The following HTR2C variants were observed in gnomAD, a reference collection of about 807,000 sequenced individuals.
HTR2C encodes the protein 5-hydroxytryptamine (serotonin) receptor 2C, G protein-coupled.
Under a neutral mutation model 21.0 loss-of-function variants are expected in HTR2C, and 5 were observed. The observed-to-expected ratio is 0.24, with a 90% CI of 0.12 to 0.50. The LOEUF (loss-of-function observed/expected upper bound fraction) is 0.50, where lower values mean the gene tolerates loss of function less well. HTR2C is among the 20% of genes least tolerant of loss of function. The pLI, the probability that HTR2C is intolerant of heterozygous loss-of-function variation, is 0.98. For missense variants in HTR2C, 271 were observed against 371.2 expected, an observed-to-expected ratio of 0.73 and a Z score of 2.22; for synonymous variants, 150 against 145.3, an observed-to-expected ratio of 1.03 and a Z score of -0.23.
At chrX:114,836,223 G>T (rs1311427076) in intron 4 of HTR2C, among the ~76,000 whole-genome samples, 1 of 110,764 alleles carries the variant, frequency 9.0e-6, no homozygotes, top group African/African-American at 3.3e-5. Context: ...TTGAGCTGTG[G>T]TGGGCTCCAC....
At chrX:114,667,449 A>T (rs1479602994) in intron 2 of HTR2C, among the ~76,000 whole-genome samples, 2 of 111,423 alleles carry the variant, frequency 1.8e-5, no homozygotes, top group Non-Finnish European at 3.8e-5. Context: ...TCATTAGCTT[A>T]TTGTATCTTT....
intron 5 of HTR2C, among the ~76,000 whole-genome samples, chrX:114,903,565 G>A (rs1483618593): frequency 1.8e-5 from 2 of 112,162 alleles, no homozygotes; most frequent in African/African-American, 6.5e-5. Context: ...CTTATCTACA[G>A]TGACTTTGCT....
intron 4 of HTR2C, among the ~76,000 whole-genome samples, chrX:114,751,926 T>C (rs1319960791): frequency 9.0e-6 from 1 of 111,581 alleles, no homozygotes; most frequent in African/African-American, 3.3e-5. Context: ...GGCTCTACTT[T>C]TCATTAAAAT....
intron 4 of HTR2C, among the ~76,000 whole-genome samples, chrX:114,753,667 A>G (rs1371966548): frequency 8.9e-6 from 1 of 111,851 alleles, no homozygotes; most frequent in East Asian, 2.8e-4. Flanking sequence ...TCAAAATAAA[A>G]TTCAATATTA....
intron 5 of HTR2C, among the ~76,000 whole-genome samples, chrX:114,859,345 T>C (rs1428218296): frequency 1.8e-5 from 2 of 111,262 alleles, no homozygotes; most frequent in Non-Finnish European, 3.8e-5. Context: ...TGCGTGTGCA[T>C]GCATGTGCAC....
At chrX:114,880,493 G>T (rs2071172570) in intron 5 of HTR2C, among the ~76,000 whole-genome samples, 1 of 110,277 alleles carries the variant, frequency 9.1e-6, no homozygotes, top group South Asian at 3.8e-4. Context: ...ATTAATAGAT[G>T]AATGCAAATA....
intron 4 of HTR2C, among the ~76,000 whole-genome samples, chrX:114,833,438 T>C (rs1556462049): frequency 9.0e-6 from 1 of 111,226 alleles, no homozygotes; most frequent in Non-Finnish European, 1.9e-5. Flanking sequence ...TGAGAGTGTA[T>C]GTGTCGAGGA....
intron 1 of HTR2C, among the ~76,000 whole-genome samples, chrX:114,609,898 G>A (rs1300321482): frequency 8.9e-6 from 1 of 111,998 alleles, no homozygotes; most frequent in African/African-American, 3.2e-5. Flanking sequence ...TTGGAAGGTG[G>A]TGACTACAAA....
chrX:114,699,262 C>T (rs1006275491), intron 2 of HTR2C, among the ~76,000 whole-genome samples: 2 of 111,826 alleles, frequency 1.8e-5, no homozygotes, highest in East Asian at 5.6e-4. Context: ...TCCAATAACG[C>T]TGTAGCCTAA....
intron 2 of HTR2C, among the ~76,000 whole-genome samples, chrX:114,656,132 T>C (rs782563736): frequency 6.3e-5 from 7 of 111,067 alleles, no homozygotes; most frequent in Non-Finnish European, 1.3e-4. Flanking sequence ...CTGACCTCTA[T>C]TACCTTTTCT....
intron 2 of HTR2C, among the ~76,000 whole-genome samples, chrX:114,626,396 A>AAAAAG (rs781971152): frequency 4.0e-4 from 1 of 2,521 alleles, no homozygotes; most frequent in African/African-American, 4.3e-4. Flanking sequence ...CACAAAAAAA[A>AAAAAG]AAAAAGAAAA....
In HTR2C at chrX:114,584,140, C is replaced by T; in HGVS notation, c.-666C>T. 8.9e-6 allele frequency: 1 copy of T among 112,619 alleles called. No homozygotes were observed. The allele number at this position is 112,619 out of a possible 1,213,427, so 9.3% of individuals were successfully genotyped here. A position where few individuals can be genotyped will look rare whatever the true frequency, so the allele number is the denominator to read the frequency against. ...CGCTTCCTTCCTCAGATGCACCGAT[C>T]TTCCCGATACTGCCTTTGGAGCGGC... On this transcript the variant is annotated 5_prime_UTR_variant, in exon 1 of 6. Transcript: ENST00000276198.
At chrX:114,660,630 A>G (rs1602670522) in intron 2 of HTR2C, among the ~76,000 whole-genome samples, 1 of 112,508 alleles carries the variant, frequency 8.9e-6, no homozygotes, top group Non-Finnish European at 1.9e-5. Flanking sequence ...TGATTTTTAA[A>G]TTACTATTAC....
chrX:114,798,875 C>T (rs2070319919), intron 4 of HTR2C, among the ~76,000 whole-genome samples: 1 of 110,686 alleles, frequency 9.0e-6, no homozygotes, highest in South Asian at 3.8e-4. Flanking sequence ...TAGGAAACAT[C>T]TCCTGTTAAT....
intron 4 of HTR2C, among the ~76,000 whole-genome samples, chrX:114,803,349 C>A (rs1337878516): frequency 8.6e-5 from 6 of 69,484 alleles, no homozygotes; most frequent in Admixed American, 6.1e-4. Flanking sequence ...GTTCCACCAA[C>A]AGTGTAAAAG....
chrX:114,853,872 G>C (rs1556470040), intron 5 of HTR2C, among the ~76,000 whole-genome samples: 1 of 111,336 alleles, frequency 9.0e-6, no homozygotes, highest in Non-Finnish European at 1.9e-5. Flanking sequence ...TATTCTAAAA[G>C]CCTGGATATT....
chrX:114,737,043 A>G (rs1266372744), intron 4 of HTR2C, among the ~76,000 whole-genome samples: 1 of 110,414 alleles, frequency 9.1e-6, no homozygotes, highest in Non-Finnish European at 1.9e-5. Flanking sequence ...ACCAAAGTAT[A>G]TGAATAAATT....
intron 1 of HTR2C, among the ~76,000 whole-genome samples, chrX:114,609,834 G>C (rs1928645314): frequency 8.9e-6 from 1 of 111,755 alleles, no homozygotes; most frequent in African/African-American, 3.2e-5. Context: ...TAAACTTCCA[G>C]AACTGGCAAA....
chrX:114,861,221 C>T (rs2071003918), intron 5 of HTR2C, among the ~76,000 whole-genome samples: 1 of 111,249 alleles, frequency 9.0e-6, no homozygotes, highest in Non-Finnish European at 1.9e-5. Flanking sequence ...TATTCTCTAT[C>T]TCTGTATATT....
Sources: gnomAD v4.1 joint callset for allele counts (sites outside exome capture counted in the v4.1 genomes callset) on GRCh38, gnomAD v4.1.1 for gene constraint, MANE v1.5 for transcripts, NCBI Gene and HGNC (gene_info 2026-07-23, HGNC 2026-07-21) for gene names.